Variants in DROSHA observed in about 807,000 individuals in gnomAD.
DROSHA encodes the protein drosha ribonuclease III.
In DROSHA, 56 loss-of-function variants were observed where a neutral mutation model predicts 181.9. That is an observed-to-expected ratio of 0.31 (90% CI 0.25 to 0.38). DROSHA has a LOEUF of 0.38. DROSHA is among the 10% of genes least tolerant of loss of function. The probability of loss-of-function intolerance (pLI) is 1.00; values close to 1 mark genes in which losing one functional copy is unlikely to be tolerated. For missense variants in DROSHA, 1,218 were observed against 1,743.5 expected (o/e 0.70, Z 5.37); for synonymous variants, 524 against 591.2 (o/e 0.89, Z 1.65).
intron 9 of DROSHA, among the ~76,000 whole-genome samples, chr5:31,509,669 A>G (rs571965048): frequency 6.6e-6 from 1 of 152,380 alleles, no homozygotes; most frequent in South Asian, 2.1e-4. Context: ...TGGGAATGCA[A>G]GACCAAAGAC....
intron 8 of DROSHA, among the ~76,000 whole-genome samples, chr5:31,513,393 T>A (rs547987768): frequency 6.6e-6 from 1 of 152,190 alleles, no homozygotes; most frequent in Non-Finnish European, 1.5e-5. Context: ...TCCCACTTAG[T>A]CAGGTGTTAT....
At chr5:31,439,081 C>T in intron 23 of DROSHA, among the ~76,000 whole-genome samples, 1 of 152,150 alleles carries the variant, frequency 6.6e-6, no homozygotes, top group East Asian at 1.9e-4. Flanking sequence ...TGGAGACAAA[C>T]CTGCATGGGA....
Position 31,458,271 on chromosome 5 carries a change from A to G in DROSHA, c.2574+5965T>C, listed in dbSNP as rs371365974. On this transcript the variant is annotated intron_variant, in intron 20 of 35. Coordinates refer to ENST00000344624, the MANE Select transcript of DROSHA (RefSeq NM_001382508.1). The stretch of plus-strand genomic sequence containing the variant: ...GTAACCCCATTGTAAGTCAAAGACC[A>G]TCTGTACTCCCAAACAAACAAGCAA... Among the ~76,000 whole-genome samples, 95 of 152,328 alleles carry G rather than the reference A, an allele frequency of 6.2e-4. No homozygotes were observed. In the East Asian group the frequency reaches 0.012, roughly 20 times the overall value.
At chr5:31,490,903 C>T (rs539775964) in intron 13 of DROSHA, among the ~76,000 whole-genome samples, 11 of 152,066 alleles carry the variant, frequency 7.2e-5, no homozygotes, top group African/African-American at 2.7e-4. Flanking sequence ...AGAACTTGAA[C>T]ATTTACATAA....
At chr5:31,424,377 T>C in intron 28 of DROSHA, 50 bp downstream of exon 28, 4 of 1,564,942 alleles carry the variant, frequency 2.6e-6, no homozygotes, top group Non-Finnish European at 2.6e-6. Context: ...GAAAGTAACA[T>C]GAATAGCTGG....
At chr5:31,480,920 C>A (rs969508450) in intron 16 of DROSHA, among the ~76,000 whole-genome samples, 1 of 152,076 alleles carries the variant, frequency 6.6e-6, no homozygotes, top group African/African-American at 2.4e-5. Flanking sequence ...TTTTTCATGG[C>A]AGCACAAACT....
chr5:31,531,766 A>C (rs994221789), intron 1 of DROSHA, among the ~76,000 whole-genome samples: 17 of 151,880 alleles, frequency 1.1e-4, no homozygotes, highest in Admixed American at 6.6e-5. Flanking sequence ...GGCCTGGACC[A>C]TAGTGTGTGC....
rs541444489 is a variant in DROSHA, at chr5:31,425,716, T to C, written c.3217-1245A>G. ...ACCTATTACTCCATATGGAACATGA[T>C]CAAATGATAACTTTTCACCTTTCTC... On this transcript the variant is annotated intron_variant, in intron 27 of 35. Transcript: ENST00000344624. Among the ~76,000 whole-genome samples, 23 of 152,288 alleles carry C rather than the reference T, an allele frequency of 1.5e-4. No homozygotes were observed. In the South Asian group the frequency reaches 4.6e-3, roughly 30 times the overall value.
intron 19 of DROSHA, among the ~76,000 whole-genome samples, chr5:31,465,511 A>G (rs1748899130): frequency 6.6e-6 from 1 of 152,240 alleles, no homozygotes; most frequent in African/African-American, 2.4e-5. Context: ...TTAAGCTTTA[A>G]TATCTATAAA....
At chr5:31,465,574 GGATT>G in intron 19 of DROSHA, among the ~76,000 whole-genome samples, 1 of 152,240 alleles carries the variant, frequency 6.6e-6, no homozygotes, top group Non-Finnish European at 1.5e-5. Context: ...GGCATTTTAG[GGATT>G]GATACAGTTA....
intron 22 of DROSHA, 103 bp downstream of exon 22, chr5:31,449,178 G>A: frequency 1.4e-6 from 2 of 1,452,806 alleles, no homozygotes; most frequent in Non-Finnish European, 1.8e-6. Flanking sequence ...ATATGAGACG[G>A]TGAAAGAGTC....
chr5:31,421,250 G>A (rs1181107708), intron 30 of DROSHA, 22 bp downstream of exon 30: 1 of 1,565,422 alleles, frequency 6.4e-7, no homozygotes, highest in African/African-American at 1.4e-5. Flanking sequence ...TCTTATTGGA[G>A]GAAGTGATTT....
At chr5:31,488,766 A>T (rs965326658) in intron 13 of DROSHA, among the ~76,000 whole-genome samples, 7 of 152,216 alleles carry the variant, frequency 4.6e-5, no homozygotes, top group African/African-American at 1.4e-4. Flanking sequence ...GGAACAAAGA[A>T]GACCAGACTG....
In DROSHA at chr5:31,526,695, G is replaced by A. The variant is rs1265775275; in HGVS notation, c.238C>T (p.Pro80Ser). 1.3e-6 allele frequency: 2 copies of A among 1,538,122 alleles called. No individual in the cohort carries two copies. The highest frequency in any genetic ancestry group is 4.5e-5 in the East Asian group (2 of 44,248). Reference sequence around the variant, plus strand: ...GACGGAGGCATGGGTGGGGGGAAGGGTACAAAGTCTGGTCGTGGAGGGAGA... The same window carrying A: ...GACGGAGGCATGGGTGGGGGGAAGGATACAAAGTCTGGTCGTGGAGGGAGA... ...NFLPPRPDFV[P>S]FPPPMPPSAQ... Residue 80 changes from proline to serine, a missense_variant, in exon 5 of 36, where the codon CCC becomes TCC. This residue lies in a region of DROSHA where 536 missense variants were observed against 535.4 expected (regional missense o/e 1.00). Transcript: ENST00000344624.
rs1741628829 is a variant in DROSHA at position 31,413,785 on chromosome 5, G to A, written c.3526-2898C>T. Among the ~76,000 whole-genome samples, 3 of 152,200 alleles carry A rather than the reference G, an allele frequency of 2.0e-5. No homozygotes were observed. In the South Asian group the frequency reaches 6.2e-4, roughly 32 times the overall value. On this transcript the variant is annotated intron_variant, in intron 30 of 35. Coordinates refer to ENST00000344624, the MANE Select transcript of DROSHA (RefSeq NM_001382508.1). The stretch of plus-strand genomic sequence containing the variant: ...CAGGGAGGCCTCCTGGAGGAGGGCT[G>A]ACATTTGAGTAAAAGCATTTCAGGG...
chr5:31,422,270 A>G (rs1223599135), intron 29 of DROSHA, among the ~76,000 whole-genome samples: 1 of 152,068 alleles, frequency 6.6e-6, no homozygotes, highest in African/African-American at 2.4e-5. Context: ...AACAAAAAAC[A>G]ACCCCAAAGA....
intron 20 of DROSHA, among the ~76,000 whole-genome samples, chr5:31,462,588 A>G (rs1748525048): frequency 1.3e-5 from 2 of 152,028 alleles, no homozygotes; most frequent in Non-Finnish European, 1.5e-5. Flanking sequence ...ATAGCTGAAG[A>G]ATACAAAACT....
At chr5:31,526,982 A>G in intron 4 of DROSHA, 70 bp from the exon 5 acceptor site, 1 of 1,411,728 alleles carries the variant, frequency 7.1e-7, no homozygotes, top group Non-Finnish European at 9.5e-7. Flanking sequence ...ACAGGGTTTC[A>G]TAAATGCCTG....
intron 14 of DROSHA, among the ~76,000 whole-genome samples, chr5:31,485,712 G>C (rs1489657127): frequency 6.6e-6 from 1 of 151,372 alleles, no homozygotes; most frequent in East Asian, 1.9e-4. Context: ...TGAAAGGAAG[G>C]TACAATAAAC....
Sources: allele counts gnomAD v4.1 joint callset (sites outside exome capture counted in the v4.1 genomes callset), GRCh38; gene constraint gnomAD v4.1.1; regional missense constraint gnomAD v4.1.1; transcripts MANE v1.5; gene names NCBI Gene and HGNC (gene_info 2026-07-23, HGNC 2026-07-21).